DYNC2H1: variants seen among roughly 807,000 people sequenced by gnomAD.
The protein encoded by DYNC2H1 is dynein cytoplasmic 2 heavy chain 1.
Under a neutral mutation model 570.0 loss-of-function variants are expected in DYNC2H1, and 410 were observed. The ratio of observed to expected loss-of-function variants is 0.72; its 90% confidence interval spans 0.66 to 0.78. The LOEUF (loss-of-function observed/expected upper bound fraction) is 0.78. Among genes scored for constraint, DYNC2H1 ranks in the 30% least tolerant of loss-of-function variants. The pLI is 0.00. For missense variants in DYNC2H1, 4,865 were observed against 5,046.4 expected (o/e 0.96, Z 1.09); for synonymous variants, 1,688 against 1,677.6 (o/e 1.01, Z -0.15).
At chr11:103,316,806 A>G (rs537479923) in intron 80 of DYNC2H1, among the ~76,000 whole-genome samples, 186 bp downstream of exon 80, 1 of 151,878 alleles carries the variant, frequency 6.6e-6, no homozygotes, top group South Asian at 2.1e-4. Flanking sequence ...CTGTTTTTAC[A>G]TGGATTCTTC....
chr11:103,332,056 A>G (rs1039596795), intron 82 of DYNC2H1, among the ~76,000 whole-genome samples: 4 of 151,390 alleles, frequency 2.6e-5, no homozygotes, highest in African/African-American at 9.8e-5. Flanking sequence ...TGACAAAGCG[A>G]GACTCCATCT....
rs1287098583 is a variant in DYNC2H1, at chr11:103,184,972, A to G, written c.6554A>G (p.His2185Arg). 1.2e-6 allele frequency: 2 copies of G among 1,611,140 alleles called. No homozygotes were observed. The highest frequency in any genetic ancestry group is 2.2e-5 in the East Asian group (1 of 44,730). Reference sequence around the variant, plus strand: ...TCACATCTACATGGTTGCAGAGATCATGACGAATTCATTATTAATCTCATA... The same window carrying G: ...TCACATCTACATGGTTGCAGAGATCGTGACGAATTCATTATTAATCTCATA... ...GLSHLHGCRDHDEFIINLIRG... is the reference protein window; with the variant it reads ...GLSHLHGCRDRDEFIINLIRG... The change falls in exon 41 of 89, where the codon CAT (histidine) becomes CGT (arginine). Residue 2185 changes from histidine to arginine, a missense_variant. By Grantham distance (29) the His-to-Arg change is conservative. Coordinates refer to ENST00000375735, the MANE Select transcript of DYNC2H1 (RefSeq NM_001377.3).
At chr11:103,187,938 C>A (rs1862141314) in intron 43 of DYNC2H1, among the ~76,000 whole-genome samples, 1 of 152,040 alleles carries the variant, frequency 6.6e-6, no homozygotes, top group Admixed American at 6.6e-5. Context: ...CTTCTCACTG[C>A]AGTTAGACTT....
intron 85 of DYNC2H1, among the ~76,000 whole-genome samples, chr11:103,440,666 A>C (rs1334810700): frequency 2.6e-5 from 4 of 152,198 alleles, no homozygotes; most frequent in Non-Finnish European, 5.9e-5. Context: ...CAATAACAAC[A>C]AATCATTAAA....
chr11:103,136,752 G>A (rs1259715486), intron 17 of DYNC2H1, among the ~76,000 whole-genome samples: 1 of 152,088 alleles, frequency 6.6e-6, no homozygotes, highest in East Asian at 1.9e-4. Flanking sequence ...GTAATGGGAT[G>A]GCTGGGTCAA....
At chr11:103,283,848 A>G (rs979513705) in intron 73 of DYNC2H1, among the ~76,000 whole-genome samples, 2 of 151,592 alleles carry the variant, frequency 1.3e-5, no homozygotes, top group African/African-American at 2.4e-5. Flanking sequence ...AATGAAAAAA[A>G]GGGGGGGGAA....
chr11:103,416,241 T>C (rs1565580189), intron 84 of DYNC2H1, among the ~76,000 whole-genome samples: 2 of 152,206 alleles, frequency 1.3e-5, no homozygotes, highest in Admixed American at 6.5e-5. Context: ...ATGGCACATA[T>C]ATACCTATGT....
In DYNC2H1 at chr11:103,158,598, TA is replaced by T. The variant is rs1306109058; in HGVS notation, c.4128-72del. ...TTACCTTTAGTTCATTTTAAGCAGGTAAAAAAAGTCTTAATCTGTTTTTCTT... is the reference window on the plus strand; with the variant it reads ...TTACCTTTAGTTCATTTTAAGCAGGTAAAAAAGTCTTAATCTGTTTTTCTT... On this transcript the variant is annotated intron_variant, in intron 26 of 88. Transcript: ENST00000375735. 30 of 1,193,698 alleles carry T rather than the reference TA, an allele frequency of 2.5e-5. No individual in the cohort carries two copies. In the East Asian group the frequency reaches 6.8e-4, roughly 27 times the overall value. The allele number at this position is 1,193,698 out of a possible 1,614,324, so 73.9% of individuals were successfully genotyped here. A position where few individuals can be genotyped will look rare whatever the true frequency, so the allele number is the denominator to read the frequency against.
intron 70 of DYNC2H1, among the ~76,000 whole-genome samples, chr11:103,279,748 A>G (rs1866057977): frequency 6.6e-6 from 1 of 152,044 alleles, no homozygotes; most frequent in Non-Finnish European, 1.5e-5. Flanking sequence ...GTTATCTGAT[A>G]GTTTTTTCTG....
Position 103,325,022 on chromosome 11 carries a change from A to T in DYNC2H1, c.12039+1032A>T, listed in dbSNP as rs568105144. Reference sequence around the variant, plus strand: ...GTATGTATGTCTTCTTTTGAGAAGCATCTCTTCATGTTTTTTGCCCACTTT... The same window carrying T: ...GTATGTATGTCTTCTTTTGAGAAGCTTCTCTTCATGTTTTTTGCCCACTTT... On this transcript the variant is annotated intron_variant, in intron 82 of 88. Coordinates refer to ENST00000375735, the MANE Select transcript of DYNC2H1 (RefSeq NM_001377.3). This position sits in a 1 kb window ranked among gnomAD's most constrained non-coding sequence, Gnocchi z 4.8. Among the ~76,000 whole-genome samples, 68 of 152,126 alleles carry T rather than the reference A, an allele frequency of 4.5e-4. No homozygotes were observed. The highest frequency in any genetic ancestry group is 1.6e-3 in the African/African-American group (67 of 41,508).
intron 85 of DYNC2H1, among the ~76,000 whole-genome samples, chr11:103,437,274 A>G (rs551540630): frequency 3.3e-5 from 5 of 152,074 alleles, no homozygotes; most frequent in African/African-American, 1.2e-4. Context: ...ATAAAAGTTG[A>G]CCTTATGAAA....
intron 70 of DYNC2H1, among the ~76,000 whole-genome samples, chr11:103,262,955 C>A (rs1865361492): frequency 7.2e-6 from 1 of 138,684 alleles, no homozygotes; most frequent in South Asian, 2.4e-4. Context: ...AGACCCATCT[C>A]ACATGCAGAG....
intron 79 of DYNC2H1, among the ~76,000 whole-genome samples, chr11:103,314,799 G>A (rs1937720907): frequency 6.6e-6 from 1 of 151,754 alleles, no homozygotes; most frequent in Non-Finnish European, 1.5e-5. Context: ...TTAGAGACAT[G>A]TCATAGGTAT....
intron 83 of DYNC2H1, among the ~76,000 whole-genome samples, chr11:103,364,598 TG>T (rs1407162845): frequency 4.5e-4 from 66 of 147,316 alleles, no homozygotes; most frequent in Middle Eastern, 7.0e-3. Flanking sequence ...TAAATCTTGT[TG>T]TTTTTTTTTT....
At position 103,199,464 on chromosome 11, in the gene DYNC2H1, T is replaced by C. The variant is rs374048069; in HGVS notation, c.8076T>C (p.Asn2692=). ...GATATGAACTGAAGCAGTTCAAAAATGATCTCAAACATGTGAGTTGCCCAC... is the reference window on the plus strand; with the variant it reads ...GATATGAACTGAAGCAGTTCAAAAACGATCTCAAACATGTGAGTTGCCCAC... The part of the protein sequence containing the change: ...SRGYELKQFK[N]DLKHVLQLAG... Residue 2692 remains asparagine (N), a synonymous_variant, in exon 49 of 89, where the codon AAT becomes AAC. Coordinates refer to ENST00000375735, the MANE Select transcript of DYNC2H1 (RefSeq NM_001377.3). This position sits in a 1 kb window ranked among gnomAD's most constrained non-coding sequence, Gnocchi z 4.6. 3 of 1,576,356 alleles carry C rather than the reference T, an allele frequency of 1.9e-6. No homozygotes were observed. The African/African-American group carries it at 4.0e-5, about 21-fold the overall frequency.
rs1865303529 is a variant in DYNC2H1, at chr11:103,261,818, A to G, written c.10695+1841A>G. 6.6e-6 allele frequency among the ~76,000 whole-genome samples: 1 copy of G among 152,232 alleles called. No individual in the cohort carries two copies. Among genetic ancestry groups the G allele is most frequent in the Non-Finnish European group, 1.5e-5 (1 of 68,044 alleles). On this transcript the variant is annotated intron_variant, in intron 70 of 88. Coordinates refer to ENST00000375735, the MANE Select transcript of DYNC2H1 (RefSeq NM_001377.3). This position sits in a 1 kb window ranked among gnomAD's most constrained non-coding sequence, Gnocchi z 4.8. ...CTCCAAAGGATCACAACTCCTTGCC[A>G]GCAAGGGAACAAAACTGGACGGAGA...
At chr11:103,449,172 G>A (rs1007714009) in intron 85 of DYNC2H1, among the ~76,000 whole-genome samples, 2 of 152,162 alleles carry the variant, frequency 1.3e-5, no homozygotes, top group Admixed American at 6.5e-5. Flanking sequence ...TTTGAGAAAG[G>A]GCGGCAAGTG....
intron 83 of DYNC2H1, among the ~76,000 whole-genome samples, chr11:103,365,284 C>T (rs1428732537): frequency 6.6e-6 from 1 of 151,872 alleles, no homozygotes; most frequent in Non-Finnish European, 1.5e-5. Context: ...GCACTTGAAC[C>T]CGGGAGGCGG....
Position 103,186,453 on chromosome 11 carries a change from A to C in DYNC2H1, c.6845A>C (p.Asp2282Ala), listed in dbSNP as rs988867284. 3.1e-6 allele frequency: 5 copies of C among 1,612,336 alleles called. No homozygotes were observed. In the African/African-American group the frequency reaches 5.3e-5, roughly 17 times the overall value. ...TATTTCAAACCATGGTTAAGTTCTG[A>C]TACTAAACAGCCCTTTATTCTGGTA... ...LDYFKPWLSS[D>A]TKQPFILVGP... Residue 2282 changes from aspartate (D) to alanine (A), a missense_variant, in exon 42 of 89, where the codon GAT becomes GCT. By Grantham distance (126) the Asp-to-Ala change is moderately radical (BLOSUM62 -2). Transcript: ENST00000375735. This position sits in a 1 kb window ranked among gnomAD's most constrained non-coding sequence, Gnocchi z 4.5.
Sources: gnomAD v4.1 joint callset for allele counts (sites outside exome capture counted in the v4.1 genomes callset) on GRCh38, gnomAD v4.1.1 for gene constraint, Gnocchi (gnomAD v3.1) non-coding constraint, MANE v1.5 for transcripts, NCBI Gene and HGNC (gene_info 2026-07-23, HGNC 2026-07-21) for gene names.